LGSN: variants seen among roughly 807,000 people sequenced by gnomAD.
LGSN encodes the protein lengsin.
Under a neutral mutation model 19.5 loss-of-function variants are expected in LGSN, and 21 were observed. That is an observed-to-expected ratio of 1.07 (90% CI 0.76 to 1.55). LGSN has a LOEUF of 1.55. Among genes scored for constraint, LGSN ranks in the 40% most tolerant of loss-of-function variants. The pLI, the probability that LGSN is intolerant of heterozygous loss-of-function variation, is 0.00. For missense variants in LGSN, 673 were observed against 608.5 expected (o/e 1.11, Z -1.12); for synonymous variants, 257 against 215.6 (o/e 1.19, Z -1.68).
the LGSN span, among the ~76,000 whole-genome samples, chr6:63,548,390 C>A: frequency 6.6e-6 from 1 of 152,282 alleles, no homozygotes; most frequent in East Asian, 1.9e-4. Context: ...AGGCTTAGAA[C>A]GGCACTAGGC....
chr6:63,351,012 TGTGGAA>T, the LGSN span, among the ~76,000 whole-genome samples: 1 of 152,172 alleles, frequency 6.6e-6, no homozygotes. Flanking sequence ...CAAATTCATA[TGTGGAA>T]ATGTTAACCC....
At chr6:63,352,117 T>C in the LGSN span, among the ~76,000 whole-genome samples, 1 of 152,202 alleles carries the variant, frequency 6.6e-6, no homozygotes, top group Non-Finnish European at 1.5e-5. Flanking sequence ...TATTGTTACA[T>C]GAAATGAATT....
the LGSN span, among the ~76,000 whole-genome samples, chr6:63,438,907 A>G: frequency 6.6e-6 from 1 of 152,202 alleles, no homozygotes; most frequent in Non-Finnish European, 1.5e-5. Flanking sequence ...ATGCACACGT[A>G]TGTTTATTGT....
chr6:63,448,081 A>G, the LGSN span, among the ~76,000 whole-genome samples: 1 of 152,224 alleles, frequency 6.6e-6, no homozygotes, highest in Admixed American at 6.5e-5. Context: ...ATAATATTTC[A>G]TCTCAGAATG....
intron 1 of LGSN, among the ~76,000 whole-genome samples, chr6:63,318,086 A>G (rs1768934636): frequency 6.6e-6 from 1 of 152,228 alleles, no homozygotes; most frequent in South Asian, 2.1e-4. Context: ...CTAAGAATGT[A>G]GCTGAATGCA....
the LGSN span, among the ~76,000 whole-genome samples, chr6:63,541,999 C>T: frequency 3.2e-4 from 48 of 149,800 alleles, no homozygotes; most frequent in Middle Eastern, 3.4e-3. Flanking sequence ...TAAAAACTCT[C>T]ATTTGGTGGA....
At chr6:63,552,771 A>G in the LGSN span, among the ~76,000 whole-genome samples, 8 of 152,052 alleles carry the variant, frequency 5.3e-5, no homozygotes, top group East Asian at 1.9e-4. Context: ...AGTTTTCCCA[A>G]CACCATTTAT....
At chr6:63,306,282 C>T (rs1275219658) in intron 1 of LGSN, among the ~76,000 whole-genome samples, 1 of 152,156 alleles carries the variant, frequency 6.6e-6, no homozygotes, top group Non-Finnish European at 1.5e-5. Flanking sequence ...GAATTCAAAT[C>T]TAAGTATTTT....
At chr6:63,424,443 T>C in the LGSN span, among the ~76,000 whole-genome samples, 1 of 149,730 alleles carries the variant, frequency 6.7e-6, no homozygotes, top group East Asian at 1.9e-4. Context: ...TTCCAGAAAA[T>C]CAAAGAGTAA....
chr6:63,290,868 AT>A (rs1346433870), intron 2 of LGSN, among the ~76,000 whole-genome samples: 1 of 152,228 alleles, frequency 6.6e-6, no homozygotes, highest in African/African-American at 2.4e-5. Context: ...CAGTTTTCTC[AT>A]GACCAGAACC....
At chr6:63,472,916 G>A in the LGSN span, among the ~76,000 whole-genome samples, 1 of 151,830 alleles carries the variant, frequency 6.6e-6, no homozygotes, top group African/African-American at 2.4e-5. Flanking sequence ...ACTCCAGCCT[G>A]GGCAACAGAG....
the LGSN span, among the ~76,000 whole-genome samples, chr6:63,523,288 G>A: frequency 6.6e-6 from 1 of 151,978 alleles, no homozygotes; most frequent in East Asian, 1.9e-4. Flanking sequence ...ACAATATGAT[G>A]TCTATAAATG....
chr6:63,441,889 C>T, the LGSN span: 18 of 262,612 alleles, frequency 6.9e-5, no homozygotes, highest in South Asian at 7.6e-4. Context: ...CCCTTTGTGT[C>T]CGGAATAATG....
chr6:63,296,610 C>G (rs867728988), intron 1 of LGSN, among the ~76,000 whole-genome samples: 1 of 151,456 alleles, frequency 6.6e-6, no homozygotes, highest in Admixed American at 6.6e-5. Context: ...TTAGCTTGAC[C>G]CTTTGCTCAT....
At chr6:63,533,135 A>C in the LGSN span, among the ~76,000 whole-genome samples, 1 of 152,226 alleles carries the variant, frequency 6.6e-6, no homozygotes, top group African/African-American at 2.4e-5. Flanking sequence ...TGATCCCAGC[A>C]CTTTGGGAGG....
the LGSN span, among the ~76,000 whole-genome samples, chr6:63,331,526 C>G: frequency 6.6e-6 from 1 of 152,126 alleles, no homozygotes; most frequent in Non-Finnish European, 1.5e-5. Context: ...ATCTGAAAGA[C>G]AAAACCGCCC....
At chr6:63,316,601 A>T (rs555783502) in intron 1 of LGSN, among the ~76,000 whole-genome samples, 1 of 152,284 alleles carries the variant, frequency 6.6e-6, no homozygotes, top group South Asian at 2.1e-4. Context: ...ATCAAAGAAG[A>T]ATTCTCCATA....
the LGSN span, among the ~76,000 whole-genome samples, chr6:63,361,245 C>T: frequency 6.6e-6 from 1 of 152,214 alleles, no homozygotes; most frequent in African/African-American, 2.4e-5. Flanking sequence ...TTATGCCCTG[C>T]CCCCTGAGGT....
At chr6:63,373,922 G>A in the LGSN span, among the ~76,000 whole-genome samples, 1 of 152,022 alleles carries the variant, frequency 6.6e-6, no homozygotes, top group Non-Finnish European at 1.5e-5. Context: ...GTAACAGACA[G>A]AGCGAGACTC....
Sources: gnomAD v4.1 joint callset for allele counts (sites outside exome capture counted in the v4.1 genomes callset) on GRCh38, gnomAD v4.1.1 for gene constraint, MANE v1.5 for transcripts, NCBI Gene and HGNC (gene_info 2026-07-23, HGNC 2026-07-21) for gene names.